Variants in MMP20 observed in about 807,000 individuals in gnomAD.
MMP20 encodes matrix metallopeptidase 20.
In MMP20, 50 loss-of-function variants were observed where a neutral mutation model predicts 51.8. That is an observed-to-expected ratio of 0.97 (90% CI 0.77 to 1.22). The LOEUF (loss-of-function observed/expected upper bound fraction) is 1.22. Among genes scored for constraint, MMP20 ranks in the 50% most tolerant of loss-of-function variants. MMP20 has a pLI of 0.00. For missense variants in MMP20, 663 were observed against 601.4 expected, an observed-to-expected ratio of 1.10 and a Z score of -1.07; for synonymous variants, 244 against 216.2, an observed-to-expected ratio of 1.13 and a Z score of -1.13.
rs746739126 is a variant in MMP20 at position 102,606,555 on chromosome 11, C to A, written c.933G>T (p.Glu311Asp). 3.1e-6 allele frequency: 5 copies of A among 1,613,964 alleles called. No individual in the cohort carries two copies. The Admixed American group carries it at 5.0e-5, about 16-fold the overall frequency. ...SFDAVTMLGK[E>D]LLLFKDRIFW... ...CTTACCGGTCCTTGAAGAGCAGGAG[C>A]TCCTTCCCCAGCATTGTCACAGCGT... is the stretch of plus-strand genomic sequence containing the variant. The change falls in exon 6 of 10, where the codon GAG (glutamate) becomes GAT (aspartate). Residue 311 changes from glutamate to aspartate, a missense_variant. Glu to Asp is a conservative substitution (Grantham distance 45). Transcript: ENST00000260228.
At chr11:102,604,924 A>G (rs1027462079) in intron 6 of MMP20, among the ~76,000 whole-genome samples, 1 of 152,244 alleles carries the variant, frequency 6.6e-6, no homozygotes, top group Non-Finnish European at 1.5e-5. Flanking sequence ...TATCCAGAGA[A>G]AACGTCAGGA....
Position 102,593,602 on chromosome 11 carries a change from A to G in MMP20, c.1091-7T>C. 1 of 1,613,986 alleles carries G rather than the reference A, an allele frequency of 6.2e-7. No individual in the cohort carries two copies. Among genetic ancestry groups the G allele is most frequent in the Non-Finnish European group, 8.5e-7 (1 of 1,179,906 alleles). On this transcript the variant is annotated splice_region_variant and splice_polypyrimidine_tract_variant and intron_variant, in intron 7 of 9. Coordinates refer to ENST00000260228, the MANE Select transcript of MMP20 (RefSeq NM_004771.4). ...GTTATCCAGTAGTGGGGACCTGAAA[A>G]CAGAAATTAAAGTTTACGAAAACTC...
At chr11:102,597,581 C>T (rs1711434) in intron 6 of MMP20, among the ~76,000 whole-genome samples, 78,101 of 151,862 alleles carry the variant, frequency 0.51, 20,624 homozygotes, top group South Asian at 0.67. Flanking sequence ...GCCAGGGATG[C>T]CACTAAACAT....
chr11:102,615,681 C>T (rs996256791), intron 2 of MMP20, among the ~76,000 whole-genome samples: 2 of 152,212 alleles, frequency 1.3e-5, no homozygotes, highest in Non-Finnish European at 2.9e-5. Context: ...CCTTCCTGCA[C>T]CCTCTGCTGC....
At chr11:102,591,706 T>G (rs1030191400) in intron 8 of MMP20, among the ~76,000 whole-genome samples, 1 of 152,198 alleles carries the variant, frequency 6.6e-6, no homozygotes, top group Non-Finnish European at 1.5e-5. Flanking sequence ...TTCTCCTTAG[T>G]AGACACTCAC....
chr11:102,615,968 G>T (rs566392419), intron 2 of MMP20, among the ~76,000 whole-genome samples: 3 of 152,266 alleles, frequency 2.0e-5, no homozygotes, highest in Non-Finnish European at 4.4e-5. Flanking sequence ...GACCAACCTG[G>T]GGAGGAAGTC....
At chr11:102,621,963 A>G (rs1298342510) in intron 1 of MMP20, among the ~76,000 whole-genome samples, 4 of 152,356 alleles carry the variant, frequency 2.6e-5, no homozygotes, top group South Asian at 2.1e-4. Context: ...ATTTTTAAGC[A>G]TAATTTAAAA....
In MMP20 at chr11:102,594,695, G is replaced by C; in HGVS notation, c.1016C>G (p.Ser339Cys). ...TGIRPSTITS[S>C]FPQLMSNVDA... is the part of the protein sequence containing the mutation. ...CACATTGGACATGAGCTGGGGGAAG[G>C]AGCTGGTAATAGTGCTGGGCCGAAT... Residue 339 changes from serine (S) to cysteine (C), a missense_variant, in exon 7 of 10, where the codon TCC becomes TGC. By Grantham distance (112) the Ser-to-Cys change is moderately radical. Transcript: ENST00000260228. The C allele has an allele frequency of 1.2e-6, 2 of 1,611,416 alleles. No individual in the cohort carries two copies. Among genetic ancestry groups the C allele is most frequent in the South Asian group, 1.1e-5 (1 of 91,002 alleles).
intron 6 of MMP20, among the ~76,000 whole-genome samples, chr11:102,595,265 G>A (rs1859368603): frequency 6.6e-6 from 1 of 152,030 alleles, no homozygotes; most frequent in Non-Finnish European, 1.5e-5. Flanking sequence ...ACAACTTTTT[G>A]GACCTTGGTA....
intron 1 of MMP20, among the ~76,000 whole-genome samples, chr11:102,617,913 A>T (rs1021160223): frequency 6.6e-6 from 1 of 152,198 alleles, no homozygotes; most frequent in African/African-American, 2.4e-5. Flanking sequence ...ACCAAAGAGC[A>T]GCTAAGGGTT....
At chr11:102,605,010 T>A (rs1711428) in intron 6 of MMP20, among the ~76,000 whole-genome samples, 114,868 of 152,146 alleles carry the variant, frequency 0.75, 43,567 homozygotes, top group East Asian at 0.98. Flanking sequence ...CTGAAGCCTT[T>A]ACCTTCAATG....
Position 102,616,943 on chromosome 11 carries a change from G to A in MMP20, c.243C>T (p.Leu81=). The change falls in exon 2 of 10, where the codon CTC becomes CTT. Residue 81 remains leucine, a synonymous_variant. Transcript: ENST00000260228. ...TCTGGTCTAACTTCCCGGTGACTTG[G>A]AGGCCAAAGAACGCTTGTAGCTCCT... is the stretch of plus-strand genomic sequence containing the variant. The part of the protein sequence containing the change: ...KIKELQAFFG[L]QVTGKLDQTT... 6.2e-7 allele frequency: 1 copy of A among 1,614,186 alleles called. No individual in the cohort carries two copies. The highest frequency in any genetic ancestry group is 8.5e-7 in the Non-Finnish European group (1 of 1,180,046).
chr11:102,579,995 A>G (rs1346736308), intron 8 of MMP20, among the ~76,000 whole-genome samples: 1 of 152,262 alleles, frequency 6.6e-6, no homozygotes, highest in Non-Finnish European at 1.5e-5. Context: ...CTGAATGAAT[A>G]AAGAAATGTG....
At chr11:102,602,116 A>ATTTTTTTTTTTTTT (rs10593493) in intron 6 of MMP20, among the ~76,000 whole-genome samples, 1 of 109,668 alleles carries the variant, frequency 9.1e-6, no homozygotes. Flanking sequence ...CGCCCGGCTA[A>ATTTTTTTTTTTTTT]TTTTTTTTTT....
chr11:102,608,048 A>G (rs1161663894), intron 5 of MMP20: 1 of 152,000 alleles, frequency 6.6e-6, no homozygotes, highest in African/African-American at 2.4e-5. Context: ...TGGTGTGCCC[A>G]TTTCTGGGCT....
chr11:102,624,994 T>C (rs1859801653), intron 1 of MMP20, among the ~76,000 whole-genome samples, 200 bp downstream of exon 1: 1 of 152,234 alleles, frequency 6.6e-6, no homozygotes. Flanking sequence ...CATGTATTTA[T>C]TCAGTCATGT....
At chr11:102,622,011 TAACA>T (rs1271441166) in intron 1 of MMP20, among the ~76,000 whole-genome samples, 1 of 150,794 alleles carries the variant, frequency 6.6e-6, no homozygotes, top group Non-Finnish European at 1.5e-5. Context: ...TAATTTTGTT[TAACA>T]AACAAACAAA....
intron 7 of MMP20, among the ~76,000 whole-genome samples, 162 bp downstream of exon 7, chr11:102,594,459 G>A (rs1368898226): frequency 1.3e-5 from 2 of 152,084 alleles, no homozygotes; most frequent in African/African-American, 4.8e-5. Context: ...CACAATGTCG[G>A]GTATAACAAA....
chr11:102,592,089 CT>C (rs1343680710), intron 8 of MMP20, among the ~76,000 whole-genome samples: 1 of 152,196 alleles, frequency 6.6e-6, no homozygotes, highest in Non-Finnish European at 1.5e-5. Flanking sequence ...ATTTTATTCT[CT>C]GAAAATTCAC....
Sources: allele counts gnomAD v4.1 joint callset (sites outside exome capture counted in the v4.1 genomes callset), GRCh38; gene constraint gnomAD v4.1.1; transcripts MANE v1.5; gene names NCBI Gene and HGNC (gene_info 2026-07-23, HGNC 2026-07-21).